ADGRB3: variants seen among roughly 807,000 people sequenced by gnomAD.
The protein encoded by ADGRB3 is brain-specific angiogenesis inhibitor 3.
A neutral mutation model predicts 193.4 loss-of-function variants in ADGRB3; 37 were observed. The observed-to-expected ratio is 0.19, with a 90% confidence interval of 0.15 to 0.25. The LOEUF is 0.25. Among genes scored for constraint, ADGRB3 ranks in the 10% least tolerant of loss-of-function variants. The pLI is 1.00. For synonymous variants in ADGRB3, 690 were observed against 644.2 expected, an observed-to-expected ratio of 1.07 and a Z score of -1.08; for missense variants, 1,637 against 1,852.9, an observed-to-expected ratio of 0.88 and a Z score of 2.14.
chr6:69,119,988 G>A (rs1004977111), intron 17 of ADGRB3, among the ~76,000 whole-genome samples: 1 of 152,132 alleles, frequency 6.6e-6, no homozygotes, highest in Non-Finnish European at 1.5e-5. Context: ...TCTCAGGATG[G>A]TAGCAGTAGG....
intron 3 of ADGRB3, among the ~76,000 whole-genome samples, chr6:68,728,430 G>A (rs949296920): frequency 4.0e-5 from 6 of 150,884 alleles, no homozygotes; most frequent in Non-Finnish European, 8.9e-5. Context: ...TTTTGAAATA[G>A]CGAAGGAATC....
rs1768504337 is a variant in ADGRB3 at position 69,323,402 on chromosome 6, TA to T, written c.2815-1466del. 5.9e-5 allele frequency among the ~76,000 whole-genome samples: 9 copies of T among 151,950 alleles called. No homozygotes were observed. The South Asian group carries it at 1.9e-3, about 32-fold the overall frequency. The stretch of plus-strand genomic sequence containing the variant: ...TATTTAAACCGTAAATTGGAAAAAA[TA>T]AAAGTCTTAATGTGTCAAGAATAGG... On this transcript the variant is annotated intron_variant, in intron 20 of 31. Transcript: ENST00000370598.
At chr6:69,018,217 A>C in intron 12 of ADGRB3, among the ~76,000 whole-genome samples, 174 bp from the exon 13 acceptor site, 1 of 152,028 alleles carries the variant, frequency 6.6e-6, no homozygotes. Context: ...CCAATGTGAC[A>C]CCTGATGTCA....
At chr6:69,374,546 G>A (rs1769773706) in intron 30 of ADGRB3, among the ~76,000 whole-genome samples, 2 of 152,158 alleles carry the variant, frequency 1.3e-5, no homozygotes, top group South Asian at 4.1e-4. Context: ...CACACACTAT[G>A]ATAATATTCT....
chr6:69,361,279 C>T lies in ADGRB3; in HGVS notation c.4006C>T (p.Pro1336Ser), dbSNP rs368182792. 14 of 1,612,684 alleles carry T rather than the reference C, an allele frequency of 8.7e-6. No individual in the cohort carries two copies. The highest frequency in any genetic ancestry group is 1.2e-5 in the Non-Finnish European group (14 of 1,179,268). The stretch of plus-strand genomic sequence containing the variant: ...AATGAATATTGGCATGGAAACCTTG[C>T]CGCATGAAAGGCTATTGCACTACAA... The part of the protein sequence containing the change: ...SKMNIGMETL[P>S]HERLLHYKVN... Residue 1336 changes from proline to serine, a missense_variant, in exon 29 of 32, where the codon CCG (proline) becomes TCG (serine). Coordinates refer to ENST00000370598, the MANE Select transcript of ADGRB3 (RefSeq NM_001704.3).
chr6:68,662,256 T>A (rs1768681425), intron 3 of ADGRB3, among the ~76,000 whole-genome samples: 1 of 151,630 alleles, frequency 6.6e-6, no homozygotes, highest in Admixed American at 6.6e-5. Context: ...TTCATGTAAT[T>A]TTAGTGCTTA....
intron 3 of ADGRB3, among the ~76,000 whole-genome samples, chr6:68,889,562 G>A (rs1766014281): frequency 6.6e-6 from 1 of 151,114 alleles, no homozygotes; most frequent in South Asian, 2.1e-4. Context: ...GAGTGCAGTG[G>A]TGCAATCTCA....
intron 15 of ADGRB3, among the ~76,000 whole-genome samples, chr6:69,058,357 G>T (rs1166671132): frequency 6.6e-6 from 1 of 150,552 alleles, no homozygotes; most frequent in East Asian, 2.0e-4. Flanking sequence ...TTTTAAAAAG[G>T]GTTTGTCAAT....
At chr6:68,836,152 GAA>G (rs553222148) in intron 3 of ADGRB3, among the ~76,000 whole-genome samples, 16 of 152,160 alleles carry the variant, frequency 1.1e-4, no homozygotes, top group Admixed American at 9.8e-4. Context: ...AGTTGTATTA[GAA>G]ATGCCATGAA....
intron 26 of ADGRB3, among the ~76,000 whole-genome samples, chr6:69,341,249 T>C (rs1561992801): frequency 6.6e-6 from 1 of 152,150 alleles, no homozygotes; most frequent in Non-Finnish European, 1.5e-5. Context: ...AAAAGCCTTT[T>C]TATTTCTCCA....
chr6:69,306,765 T>C (rs1416178101), intron 20 of ADGRB3, among the ~76,000 whole-genome samples: 1 of 151,448 alleles, frequency 6.6e-6, no homozygotes, highest in African/African-American at 2.4e-5. Context: ...GTGAGGAGTG[T>C]GGACAAACAA....
intron 3 of ADGRB3, among the ~76,000 whole-genome samples, chr6:68,724,998 C>T (rs955565614): frequency 1.3e-5 from 2 of 151,462 alleles, no homozygotes; most frequent in African/African-American, 4.8e-5. Context: ...TTTATTAGAC[C>T]TGTGGGAATG....
chr6:68,973,642 T>C (rs1179564618), intron 8 of ADGRB3, among the ~76,000 whole-genome samples: 2 of 152,218 alleles, frequency 1.3e-5, no homozygotes, highest in African/African-American at 4.8e-5. Flanking sequence ...ATATATTCAT[T>C]TATTTATTTA....
Position 68,809,696 on chromosome 6 carries a change from A to G in ADGRB3, c.758-120863A>G, listed in dbSNP as rs573026566. 7.4e-4 allele frequency among the ~76,000 whole-genome samples: 113 copies of G among 152,312 alleles called. 1 individual carries two copies. Among genetic ancestry groups the G allele is most frequent in the Admixed American group, 1.4e-3 (22 of 15,302 alleles). ...TTTTGTATTTCCTTCATTTTAAAAA[A>G]TTGCCAATATTGATGAAAAAGTGAT... On this transcript the variant is annotated intron_variant, in intron 3 of 31. Coordinates refer to ENST00000370598, the MANE Select transcript of ADGRB3 (RefSeq NM_001704.3).
At chr6:68,795,372 A>G (rs1767186586) in intron 3 of ADGRB3, among the ~76,000 whole-genome samples, 1 of 152,134 alleles carries the variant, frequency 6.6e-6, no homozygotes, top group Non-Finnish European at 1.5e-5. Context: ...GAAAATATGT[A>G]TTATAGAAAA....
chr6:69,226,569 T>A (rs149535124), intron 17 of ADGRB3, among the ~76,000 whole-genome samples: 7 of 152,204 alleles, frequency 4.6e-5, no homozygotes, highest in Middle Eastern at 6.8e-3. Context: ...CAGATCAGAG[T>A]AAGGGCAAAG....
chr6:69,337,684 C>G (rs1768883210), intron 24 of ADGRB3, among the ~76,000 whole-genome samples: 1 of 152,182 alleles, frequency 6.6e-6, no homozygotes, highest in Non-Finnish European at 1.5e-5. Flanking sequence ...CCCCCACACT[C>G]ATGTCTGAAA....
At chr6:69,054,059 T>C (rs138406582) in intron 15 of ADGRB3, among the ~76,000 whole-genome samples, 32 of 152,264 alleles carry the variant, frequency 2.1e-4, no homozygotes, top group African/African-American at 7.7e-4. Context: ...AAAATGCATC[T>C]TATGTAATGA....
At chr6:68,843,531 C>G (rs1414751084) in intron 3 of ADGRB3, among the ~76,000 whole-genome samples, 1 of 151,794 alleles carries the variant, frequency 6.6e-6, no homozygotes, top group Non-Finnish European at 1.5e-5. Flanking sequence ...ATGACCCTAA[C>G]AAATGGAAAG....
Sources: gnomAD v4.1 joint callset for allele counts (sites outside exome capture counted in the v4.1 genomes callset) on GRCh38, gnomAD v4.1.1 for gene constraint, MANE v1.5 for transcripts, NCBI Gene and HGNC (gene_info 2026-07-23, HGNC 2026-07-21) for gene names.